The following PAQR3 variants were observed in gnomAD, a reference collection of about 807,000 sequenced individuals.
The protein encoded by PAQR3 is Raf kinase trapping to Golgi.
Under a neutral mutation model 41.7 loss-of-function variants are expected in PAQR3, and 39 were observed. The ratio of observed to expected loss-of-function variants is 0.93; its 90% CI spans 0.72 to 1.22. The LOEUF (loss-of-function observed/expected upper bound fraction) is 1.22, where lower values mean the gene tolerates loss of function less well. Ranked by LOEUF, PAQR3 falls within the 50% of genes most tolerant of loss-of-function variation. The probability of loss-of-function intolerance (pLI) is 0.00; values close to 1 mark genes in which losing one functional copy is unlikely to be tolerated. For missense variants in PAQR3, 366 were observed against 385.6 expected, an observed-to-expected ratio of 0.95 and a Z score of 0.42; for synonymous variants, 140 against 140.6, an observed-to-expected ratio of 1.00 and a Z score of 0.03.
At chr4:78,889,193 C>A (rs1270847558) in intron 11 of PAQR3, among the ~76,000 whole-genome samples, 2 of 143,880 alleles carry the variant, frequency 1.4e-5, no homozygotes, top group Non-Finnish European at 3.0e-5. Context: ...TGCACTCCAA[C>A]CTGGGCGATA....
downstream of PAQR3, among the ~76,000 whole-genome samples, chr4:78,908,174 T>C (rs921817196): frequency 2.0e-5 from 3 of 152,216 alleles, no homozygotes; most frequent in Non-Finnish European, 4.4e-5. Flanking sequence ...CAGAAGATTA[T>C]ATTTGCAATT....
intron 4 of PAQR3, among the ~76,000 whole-genome samples, chr4:78,924,234 G>A (rs1011643643): frequency 2.6e-5 from 4 of 152,090 alleles, no homozygotes; most frequent in Admixed American, 2.0e-4. Flanking sequence ...AATGCATATG[G>A]AAATGGAGTT....
chr4:78,923,082 A>G, intron 5 of PAQR3: 1 of 409,892 alleles, frequency 2.4e-6, no homozygotes, highest in Non-Finnish European at 4.8e-6. Context: ...GGGTGCCAGG[A>G]AGCCTAAAGC....
At chr4:78,887,411 T>C (rs553277366) in intron 12 of PAQR3, 3 of 706,422 alleles carry the variant, frequency 4.2e-6, no homozygotes, top group Non-Finnish European at 7.3e-6. Flanking sequence ...ATTTTAACCT[T>C]TAGCCATCCT....
In PAQR3 at chr4:78,939,386, C is replaced by G. The variant is rs1024327205; in HGVS notation, c.-162G>C. 2 of 429,510 alleles carry G rather than the reference C, an allele frequency of 4.7e-6. No homozygotes were observed. The highest frequency in any genetic ancestry group is 4.2e-5 in the African/African-American group (2 of 47,392). The allele number at this position is 429,510 out of a possible 1,614,324, so 26.6% of individuals were successfully genotyped here. ...CCCAGGGCCCGGCTCTGCGCTCACA[C>G]CGGCCACTGCCGCCAGCGCCGCGGC... On this transcript the variant is annotated 5_prime_UTR_variant, in exon 1 of 6. Coordinates refer to ENST00000512733, the MANE Select transcript of PAQR3 (RefSeq NM_001040202.2).
chr4:78,925,351 A>ATTTCAT (rs3063972), intron 4 of PAQR3, among the ~76,000 whole-genome samples: 112,095 of 151,150 alleles, frequency 0.74, 41,543 homozygotes, highest in Non-Finnish European at 0.77. Context: ...GCAGTTCCCC[A>ATTTCAT]TTTCATTTTC....
chr4:78,917,024 G>A lies in PAQR3; in HGVS notation c.*3515C>T, dbSNP rs1735146155. On this transcript the variant is annotated 3_prime_UTR_variant, in exon 6 of 6. Transcript: ENST00000512733. ...TGTATCTTTTTAATGAAAATGAATG[G>A]TACAAAGCAAAATAACACAAATGAT... The A allele has an allele frequency of 6.6e-6, 1 of 151,778 alleles. No homozygotes were observed. Among genetic ancestry groups the A allele is most frequent in the South Asian group, 2.1e-4 (1 of 4,830 alleles). The allele number at this position is 151,778 out of a possible 1,614,324, so 9.4% of individuals were successfully genotyped here. A position where few individuals can be genotyped will look rare whatever the true frequency, so the allele number is the denominator to read the frequency against.
At chr4:78,887,136 C>T (rs1560546349) in exon 13 of PAQR3, 1 of 1,333,866 alleles carries the variant, frequency 7.5e-7, no homozygotes, top group Non-Finnish European at 1.0e-6. Flanking sequence ...ATTTTTATTT[C>T]ATTTCATTTT....
At position 78,918,561 on chromosome 4, in the gene PAQR3, A is replaced by G; in HGVS notation, c.*1978T>C. The G allele has an allele frequency of 1.0e-6, 1 of 975,834 alleles. No homozygotes were observed. The highest frequency in any genetic ancestry group is 1.2e-6 in the Non-Finnish European group (1 of 820,910). The allele number at this position is 975,834 out of a possible 1,614,324, so 60.4% of individuals were successfully genotyped here. A position where few individuals can be genotyped will look rare whatever the true frequency, so the allele number is the denominator to read the frequency against. On this transcript the variant is annotated 3_prime_UTR_variant, in exon 6 of 6. Transcript: ENST00000512733. The stretch of plus-strand genomic sequence containing the variant: ...GTTTACATGGAATAATTTTCCCTAC[A>G]GAAAGACCTGTACACCCTTTAAATT...
chr4:78,908,567 C>G (rs1318889121), downstream of PAQR3, among the ~76,000 whole-genome samples: 2 of 152,148 alleles, frequency 1.3e-5, no homozygotes, highest in Non-Finnish European at 2.9e-5. Context: ...TCTCTGCATA[C>G]CAACTGCATG....
intron 1 of PAQR3, among the ~76,000 whole-genome samples, chr4:78,938,549 G>T (rs145366016): frequency 6.6e-6 from 1 of 152,120 alleles, no homozygotes; most frequent in East Asian, 1.9e-4. Context: ...ATGAAAACAA[G>T]GGCCATGTTT....
chr4:78,923,634 C>G (rs1735887326), intron 5 of PAQR3: 2 of 554,356 alleles, frequency 3.6e-6, no homozygotes, highest in Non-Finnish European at 3.2e-6. Flanking sequence ...AGTTCATAAC[C>G]ATAAAACAGT....
At position 78,920,440 on chromosome 4, in the gene PAQR3, A is replaced by G; in HGVS notation, c.*99T>C. ...TAAAGCATTACTCATATTAAAAAGG[A>G]AAAAGGGAAAACTAATGGGAATCTT... On this transcript the variant is annotated 3_prime_UTR_variant, in exon 6 of 6. Transcript: ENST00000512733. 2.8e-6 allele frequency: 4 copies of G among 1,404,316 alleles called. No homozygotes were observed. The allele number at this position is 1,404,316 out of a possible 1,614,324, so 87.0% of individuals were successfully genotyped here. A position where few individuals can be genotyped will look rare whatever the true frequency, so the allele number is the denominator to read the frequency against.
chr4:78,920,665 G>A lies in PAQR3; in HGVS notation c.810C>T (p.Leu270=), dbSNP rs1735571260. 4 of 1,606,786 alleles carry A rather than the reference G, an allele frequency of 2.5e-6. No individual in the cohort carries two copies. Among genetic ancestry groups the A allele is most frequent in the Middle Eastern group, 1.7e-4 (1 of 6,008 alleles). Residue 270 remains leucine (L), a synonymous_variant, in exon 6 of 6, where the codon CTC becomes CTT. Coordinates refer to ENST00000512733, the MANE Select transcript of PAQR3 (RefSeq NM_001040202.2). ...ERYFPGQLNY[L]GSSHQIWHIL... Reference sequence around the variant, plus strand: ...TATGCCATATTTGGTGGCTTGATCCGAGGTAGTTTAGTTGTCCTGGAAAGA... The same window carrying A: ...TATGCCATATTTGGTGGCTTGATCCAAGGTAGTTTAGTTGTCCTGGAAAGA...
chr4:78,891,588 ATC>A (rs1187727506), intron 11 of PAQR3, among the ~76,000 whole-genome samples: 4 of 151,974 alleles, frequency 2.6e-5, no homozygotes, highest in Admixed American at 2.6e-4. Context: ...TTATATTTGC[ATC>A]TTAGAAATTT....
intron 11 of PAQR3, among the ~76,000 whole-genome samples, chr4:78,888,347 C>T (rs1490932847): frequency 1.3e-5 from 2 of 152,068 alleles, no homozygotes; most frequent in African/African-American, 4.8e-5. Flanking sequence ...TCCCTTATAC[C>T]CCCAATACCC....
At position 78,918,490 on chromosome 4, in the gene PAQR3, G is replaced by A. The variant is rs553323215; in HGVS notation, c.*2049C>T. 6.0e-4 allele frequency: 577 copies of A among 958,302 alleles called. No homozygotes were observed. The highest frequency in any genetic ancestry group is 6.7e-4 in the Non-Finnish European group (538 of 806,702). The allele number at this position is 958,302 out of a possible 1,614,324, so 59.4% of individuals were successfully genotyped here. A position where few individuals can be genotyped will look rare whatever the true frequency, so the allele number is the denominator to read the frequency against. ...ATATCATAGCAGTGAAAAAATGAGA[G>A]GATAACTTTCTTACAATATTTAACA... On this transcript the variant is annotated 3_prime_UTR_variant, in exon 6 of 6. Coordinates refer to ENST00000512733, the MANE Select transcript of PAQR3 (RefSeq NM_001040202.2).
chr4:78,904,906 A>G (rs957409699), intron 11 of PAQR3, among the ~76,000 whole-genome samples: 2 of 151,954 alleles, frequency 1.3e-5, no homozygotes, highest in African/African-American at 4.8e-5. Context: ...TCCATCTACA[A>G]TAATGAATCT....
chr4:78,937,192 CTG>C (rs1426935568), intron 1 of PAQR3, among the ~76,000 whole-genome samples: 3 of 152,214 alleles, frequency 2.0e-5, no homozygotes, highest in African/African-American at 7.2e-5. Context: ...GGAATGCTGA[CTG>C]TACATGGGAT....
Sources: allele counts gnomAD v4.1 joint callset (sites outside exome capture counted in the v4.1 genomes callset), GRCh38; gene constraint gnomAD v4.1.1; transcripts MANE v1.5; gene names NCBI Gene and HGNC (gene_info 2026-07-23, HGNC 2026-07-21).